The following FRMD4B variants were observed in gnomAD, a reference collection of about 807,000 sequenced individuals.
The protein encoded by FRMD4B is FERM domain containing 4B, also known as FERM domain-containing protein 4B.
Under a neutral mutation model 141.5 loss-of-function variants are expected in FRMD4B, and 74 were observed. The observed-to-expected ratio is 0.52, with a 90% confidence interval of 0.43 to 0.63. The LOEUF (loss-of-function observed/expected upper bound fraction) is 0.63, where lower values mean the gene tolerates loss of function less well. FRMD4B is among the 30% of genes least tolerant of loss of function. The pLI is 0.00. For missense variants in FRMD4B, 1,366 were observed against 1,253.4 expected, an observed-to-expected ratio of 1.09 and a Z score of -1.36; for synonymous variants, 506 against 467.9, an observed-to-expected ratio of 1.08 and a Z score of -1.05.
At chr3:69,207,909 C>G (rs929216500) in intron 11 of FRMD4B, among the ~76,000 whole-genome samples, 21 of 152,130 alleles carry the variant, frequency 1.4e-4, no homozygotes, top group African/African-American at 5.1e-4. Context: ...CACGGAACTC[C>G]GTAAGCTCCA....
chr3:69,535,725 C>T (rs879584770), intron 1 of FRMD4B: 228 of 400,056 alleles, frequency 5.7e-4, no homozygotes, highest in Non-Finnish European at 9.0e-4. Context: ...CAGCCTTTCA[C>T]GGGCACTTGG....
chr3:69,457,882 G>A (rs1705644977), intron 1 of FRMD4B, among the ~76,000 whole-genome samples: 2 of 152,106 alleles, frequency 1.3e-5, no homozygotes, highest in African/African-American at 4.8e-5. Flanking sequence ...CTGCTTTTAG[G>A]AGGAGGTAAC....
rs375330667 is a variant in FRMD4B at position 69,287,789 on chromosome 3, T to C, written c.464A>G (p.Glu155Gly). The change falls in exon 5 of 23, where the codon GAG becomes GGG. Residue 155 changes from glutamate (E) to glycine (G), a missense_variant. Coordinates refer to ENST00000398540, the MANE Select transcript of FRMD4B (RefSeq NM_015123.3). ...GGCCTTTGCATTCAGGAAAAACAGCTCCACGGTGGTTTTATCCTTTAAAAA... is the reference window on the plus strand; with the variant it reads ...GGCCTTTGCATTCAGGAAAAACAGCCCCACGGTGGTTTTATCCTTTAAAAA... ...ISFLKDKTTV[E>G]LFFLNAKACV... is the part of the protein sequence containing the mutation. 8.1e-6 allele frequency: 13 copies of C among 1,605,484 alleles called. No homozygotes were observed. Among genetic ancestry groups the C allele is most frequent in the Non-Finnish European group, 1.0e-5 (12 of 1,173,596 alleles).
chr3:69,410,637 C>A (rs551860062), intron 2 of FRMD4B, among the ~76,000 whole-genome samples: 3 of 150,070 alleles, frequency 2.0e-5, no homozygotes, highest in South Asian at 4.2e-4. Flanking sequence ...ATTTTACCTA[C>A]GGGTTCAGCA....
intron 1 of FRMD4B, among the ~76,000 whole-genome samples, chr3:69,315,562 C>T (rs894168275): frequency 6.6e-6 from 1 of 152,122 alleles, no homozygotes; most frequent in Non-Finnish European, 1.5e-5. Context: ...TTTTCAATTT[C>T]AGTAGGACTA....
rs148578840 is a variant in FRMD4B at position 69,200,318 on chromosome 3, A to G, written c.877-1544T>C. 23 of 610,740 alleles carry G rather than the reference A, an allele frequency of 3.8e-5. No homozygotes were observed. The East Asian group carries it at 2.3e-3, about 61-fold the overall frequency. 37.8% of individuals were successfully genotyped at this position (610,740 alleles called of 1,614,324 possible). A position where few individuals can be genotyped will look rare whatever the true frequency, so the allele number is the denominator to read the frequency against. On this transcript the variant is annotated intron_variant, in intron 11 of 22. Coordinates refer to ENST00000398540, the MANE Select transcript of FRMD4B (RefSeq NM_015123.3). ...TCCGCACACATAGCTGTCTGTAACTATAACACTCACTCAGGTTCACAGAAG... is the reference window on the plus strand; with the variant it reads ...TCCGCACACATAGCTGTCTGTAACTGTAACACTCACTCAGGTTCACAGAAG...
At chr3:69,362,465 G>A (rs1001842069) in intron 1 of FRMD4B, among the ~76,000 whole-genome samples, 6 of 152,140 alleles carry the variant, frequency 3.9e-5, no homozygotes, top group South Asian at 2.1e-4. Flanking sequence ...CTATCACGAA[G>A]TCAGGAGCTC....
chr3:69,497,405 T>A (rs1706420380), intron 1 of FRMD4B, among the ~76,000 whole-genome samples: 1 of 152,200 alleles, frequency 6.6e-6, no homozygotes, highest in Non-Finnish European at 1.5e-5. Context: ...ATAATTTATA[T>A]CCTGAAAGTT....
chr3:69,392,347 A>G (rs371511431), intron 2 of FRMD4B, among the ~76,000 whole-genome samples: 15 of 152,174 alleles, frequency 9.9e-5, no homozygotes, highest in African/African-American at 3.6e-4. Flanking sequence ...CCCTGAGCAC[A>G]TGACTTTCAG....
At chr3:69,194,988 G>A in intron 16 of FRMD4B, 34 bp downstream of exon 16, 1 of 1,594,794 alleles carries the variant, frequency 6.3e-7, no homozygotes, top group Non-Finnish European at 8.6e-7. Flanking sequence ...CCTGTCTTAT[G>A]ATTAATTGAA....
chr3:69,392,246 G>C (rs1229796681), intron 2 of FRMD4B, among the ~76,000 whole-genome samples: 3 of 152,172 alleles, frequency 2.0e-5, no homozygotes, highest in Non-Finnish European at 4.4e-5. Flanking sequence ...GTCAGAAGAG[G>C]AATCTGAACA....
At chr3:69,443,353 C>A (rs1265724361) in intron 1 of FRMD4B, among the ~76,000 whole-genome samples, 1 of 152,124 alleles carries the variant, frequency 6.6e-6, no homozygotes, top group African/African-American at 2.4e-5. Flanking sequence ...CTTTTTGGAC[C>A]CCTCTGGACT....
intron 5 of FRMD4B, among the ~76,000 whole-genome samples, chr3:69,266,115 T>C (rs2093560599): frequency 6.6e-6 from 1 of 151,238 alleles, no homozygotes; most frequent in Non-Finnish European, 1.5e-5. Flanking sequence ...TGAGGGAGAA[T>C]CATTTGAGCC....
intron 5 of FRMD4B, chr3:69,250,325 TAAATA>T: frequency 8.1e-6 from 3 of 369,262 alleles, no homozygotes; most frequent in South Asian, 3.7e-5. Flanking sequence ...GTGTCTATTT[TAAATA>T]GCTGTGGTGA....
chr3:69,355,758 C>T (rs1490205267), intron 1 of FRMD4B, among the ~76,000 whole-genome samples: 1 of 152,124 alleles, frequency 6.6e-6, no homozygotes, highest in African/African-American at 2.4e-5. Flanking sequence ...GGCACAGTGT[C>T]TCACACCTGT....
intron 19 of FRMD4B, among the ~76,000 whole-genome samples, chr3:69,185,310 A>AAT (rs1194791464): frequency 6.6e-6 from 1 of 151,736 alleles, no homozygotes; most frequent in African/African-American, 2.4e-5. Flanking sequence ...CAAAAAAAAA[A>AAT]AAAAAAGAAA....
At chr3:69,471,280 T>C (rs1349467158) in intron 1 of FRMD4B, among the ~76,000 whole-genome samples, 1 of 152,186 alleles carries the variant, frequency 6.6e-6, no homozygotes, top group East Asian at 1.9e-4. Flanking sequence ...TTTTAACTTC[T>C]TCAAATGCTA....
chr3:69,540,658 T>TACACAC (rs1235500081), intron 1 of FRMD4B, among the ~76,000 whole-genome samples: 19 of 76,894 alleles, frequency 2.5e-4, no homozygotes, highest in African/African-American at 1.1e-3. Context: ...TATATATATA[T>TACACAC]ATACACACAC....
At chr3:69,295,223 G>T (rs1362493510) in intron 4 of FRMD4B, among the ~76,000 whole-genome samples, 1 of 152,152 alleles carries the variant, frequency 6.6e-6, no homozygotes, top group Non-Finnish European at 1.5e-5. Flanking sequence ...GGAAGAGCTG[G>T]AATATGAACC....
Sources: allele counts gnomAD v4.1 joint callset (sites outside exome capture counted in the v4.1 genomes callset), GRCh38; gene constraint gnomAD v4.1.1; transcripts MANE v1.5; gene names NCBI Gene and HGNC (gene_info 2026-07-23, HGNC 2026-07-21).